Variants in YAP1 observed in about 807,000 individuals in gnomAD.
YAP1 encodes transcriptional coactivator YAP1.
In YAP1, 5 loss-of-function variants were observed where a neutral mutation model predicts 56.9. That is an observed-to-expected ratio of 0.09 (90% CI 0.05 to 0.18). The LOEUF is 0.18. Ranked by LOEUF, YAP1 falls within the 10% of genes least tolerant of loss-of-function variation. The pLI is 1.00. For synonymous variants in YAP1, 265 were observed against 248.1 expected, an observed-to-expected ratio of 1.07 and a Z score of -0.64; for missense variants, 539 against 651.8, an observed-to-expected ratio of 0.83 and a Z score of 1.88.
At chr11:102,168,017 C>G (rs915909784) in intron 3 of YAP1, among the ~76,000 whole-genome samples, 3 of 152,062 alleles carry the variant, frequency 2.0e-5, no homozygotes, top group Non-Finnish European at 4.4e-5. Flanking sequence ...GCATTCCAGC[C>G]TGGACAACAG....
intron 1 of YAP1, chr11:102,112,311 C>G (rs772475635): frequency 2.0e-5 from 16 of 797,046 alleles, no homozygotes; most frequent in Non-Finnish European, 2.4e-5. Context: ...ATTGTGCCAA[C>G]TTGATTCAGC....
chr11:102,112,408 C>G, intron 1 of YAP1: 1 of 961,710 alleles, frequency 1.0e-6, no homozygotes, highest in Non-Finnish European at 1.2e-6. Context: ...CTTTTTCTTT[C>G]TTTTTTATTT....
chr11:102,118,085 T>C (rs754589140), intron 2 of YAP1, among the ~76,000 whole-genome samples: 1 of 152,218 alleles, frequency 6.6e-6, no homozygotes, highest in Admixed American at 6.5e-5. Context: ...TTCAAAGATA[T>C]GTGTTCTTAT....
chr11:102,141,223 G>A (rs6590949), intron 2 of YAP1, among the ~76,000 whole-genome samples: 72,265 of 152,054 alleles, frequency 0.48, 18,377 homozygotes, highest in African/African-American at 0.65. Context: ...TTTTCACTTT[G>A]GACTTGATAT....
intron 4 of YAP1, 60 bp downstream of exon 4, chr11:102,186,191 A>G (rs1372470698): frequency 1.9e-6 from 3 of 1,550,314 alleles, no homozygotes; most frequent in African/African-American, 1.4e-5. Context: ...TTTTGTAAAT[A>G]TACTTCGGAA....
intron 2 of YAP1, among the ~76,000 whole-genome samples, chr11:102,138,733 T>A (rs1042373261): frequency 1.8e-4 from 27 of 152,248 alleles, no homozygotes; most frequent in African/African-American, 6.3e-4. Flanking sequence ...TTGCTCTTCA[T>A]TGAATGTTTC....
chr11:102,141,605 G>A (rs1395832630), intron 2 of YAP1, among the ~76,000 whole-genome samples: 2 of 152,126 alleles, frequency 1.3e-5, no homozygotes. Context: ...TTTGAAAGAT[G>A]GATAAGAATA....
intron 2 of YAP1, among the ~76,000 whole-genome samples, chr11:102,138,976 G>A (rs915287110): frequency 2.0e-5 from 3 of 151,938 alleles, no homozygotes; most frequent in African/African-American, 7.3e-5. Flanking sequence ...TTCACTGGAG[G>A]GTAATTAACA....
At chr11:102,147,586 C>T (rs1053546561) in intron 2 of YAP1, among the ~76,000 whole-genome samples, 18 of 152,126 alleles carry the variant, frequency 1.2e-4, no homozygotes, top group Non-Finnish European at 2.4e-4. Context: ...AATAATATGA[C>T]CAACTTATTG....
intron 7 of YAP1, 110 bp downstream of exon 7, chr11:102,223,862 A>G: frequency 7.3e-7 from 1 of 1,361,002 alleles, no homozygotes; most frequent in Non-Finnish European, 1.0e-6. Flanking sequence ...GCCAAAAACC[A>G]TAGCTGTAAA....
At chr11:102,173,848 C>G (rs751557474) in intron 3 of YAP1, among the ~76,000 whole-genome samples, 29 of 152,124 alleles carry the variant, frequency 1.9e-4, no homozygotes, top group Non-Finnish European at 3.7e-4. Flanking sequence ...ATCAAGTAAG[C>G]CACTGAATAG....
chr11:102,122,895 C>CAAAAAAAAAAAAAAAAAAAAAAAA (rs56934997), intron 2 of YAP1, among the ~76,000 whole-genome samples: 8 of 79,458 alleles, frequency 1.0e-4, no homozygotes, highest in Admixed American at 3.2e-4. Flanking sequence ...AGACTTCTCT[C>CAAAAAAAAAAAAAAAAAAAAAAAA]AAAAAAAAAA....
chr11:102,160,998 T>G (rs1159276043), intron 2 of YAP1, among the ~76,000 whole-genome samples: 3 of 151,966 alleles, frequency 2.0e-5, no homozygotes, highest in African/African-American at 7.2e-5. Flanking sequence ...CTACTCACTG[T>G]ACTCTCACTG....
At chr11:102,119,594 TA>T (rs987045522) in intron 2 of YAP1, among the ~76,000 whole-genome samples, 9 of 147,468 alleles carry the variant, frequency 6.1e-5, no homozygotes, top group African/African-American at 2.2e-4. Flanking sequence ...TCTTAGCCAT[TA>T]AAAAAAAACC....
rs1245849229 is a variant in YAP1, at chr11:102,232,832, T to A, written c.*2892T>A. 1 of 152,654 alleles carries A rather than the reference T, an allele frequency of 6.6e-6. No homozygotes were observed. The highest frequency in any genetic ancestry group is 2.4e-5 in the African/African-American group (1 of 41,464). The allele number at this position is 152,654 out of a possible 1,614,324, so 9.5% of individuals were successfully genotyped here. A position where few individuals can be genotyped will look rare whatever the true frequency, so the allele number is the denominator to read the frequency against. Reference sequence around the variant, plus strand: ...GCACATTGATTTGGAGTTTCAGATCTTCCAAAGCACTATTTGTTGTAATAA... The same window carrying A: ...GCACATTGATTTGGAGTTTCAGATCATCCAAAGCACTATTTGTTGTAATAA... On this transcript the variant is annotated 3_prime_UTR_variant, in exon 9 of 9. Transcript: ENST00000282441.
At chr11:102,180,864 C>T (rs772832765) in intron 3 of YAP1, among the ~76,000 whole-genome samples, 15 of 151,720 alleles carry the variant, frequency 9.9e-5, no homozygotes, top group Admixed American at 7.2e-4. Context: ...TAGTAATTCT[C>T]GGTCGGGCAT....
At chr11:102,226,742 GT>G (rs1950215900) in intron 7 of YAP1, among the ~76,000 whole-genome samples, 1 of 152,148 alleles carries the variant, frequency 6.6e-6, no homozygotes, top group African/African-American at 2.4e-5. Flanking sequence ...GTGCCTTGCA[GT>G]TTTTTGTTTT....
chr11:102,118,438 A>G (rs1482854426), intron 2 of YAP1, among the ~76,000 whole-genome samples: 1 of 148,912 alleles, frequency 6.7e-6, no homozygotes, highest in African/African-American at 2.5e-5. Flanking sequence ...ATCGCTATAC[A>G]TAGGCTGATT....
chr11:102,112,894 A>G, intron 1 of YAP1: 1 of 509,602 alleles, frequency 2.0e-6, no homozygotes, highest in Non-Finnish European at 2.5e-6. Context: ...TCAGCCACAA[A>G]GAATTACAAC....
Sources: allele counts gnomAD v4.1 joint callset (sites outside exome capture counted in the v4.1 genomes callset), GRCh38; gene constraint gnomAD v4.1.1; transcripts MANE v1.5; gene names NCBI Gene and HGNC (gene_info 2026-07-23, HGNC 2026-07-21).